The following FILIP1 variants were observed in gnomAD, a reference collection of about 807,000 sequenced individuals.
The protein encoded by FILIP1 is filamin-A-interacting protein 1.
Under a neutral mutation model 102.1 loss-of-function variants are expected in FILIP1, and 61 were observed. The observed-to-expected ratio is 0.60, with a 90% CI of 0.49 to 0.74. FILIP1 has a LOEUF of 0.74. FILIP1 is among the 30% of genes least tolerant of loss of function. The pLI is 0.00. For synonymous variants in FILIP1, 491 were observed against 526.9 expected, an observed-to-expected ratio of 0.93 and a Z score of 0.93; for missense variants, 1,314 against 1,441.2, an observed-to-expected ratio of 0.91 and a Z score of 1.43.
At chr6:75,341,424 C>T (rs529003044) in intron 4 of FILIP1, among the ~76,000 whole-genome samples, 3 of 152,080 alleles carry the variant, frequency 2.0e-5, no homozygotes. Flanking sequence ...TCCCAAAGTG[C>T]TGGAATTACA....
At chr6:75,484,908 T>C (rs1562666300) in intron 1 of FILIP1, among the ~76,000 whole-genome samples, 1 of 152,182 alleles carries the variant, frequency 6.6e-6, no homozygotes, top group South Asian at 2.1e-4. Context: ...GTTAATATCT[T>C]AAAAATTAGC....
rs373357947 is a variant in FILIP1 at position 75,349,810 on chromosome 6, T to C, written c.629+3729A>G. 1.2e-4 allele frequency among the ~76,000 whole-genome samples: 19 copies of C among 152,264 alleles called. No homozygotes were observed. The South Asian group carries it at 2.3e-3, about 18-fold the overall frequency. ...CAGCCAAGGTCCGTGGTCCGTGGTC[T>C]CCGCTGGGGAGGGGCTCCCCGGCAA... On this transcript the variant is annotated intron_variant, in intron 4 of 5. Coordinates refer to ENST00000237172, the MANE Select transcript of FILIP1 (RefSeq NM_015687.5).
chr6:75,397,228 A>G (rs1197544846), intron 2 of FILIP1, among the ~76,000 whole-genome samples: 1 of 152,008 alleles, frequency 6.6e-6, no homozygotes, highest in African/African-American at 2.4e-5. Flanking sequence ...TACCCAACAT[A>G]AAGTACCTAT....
At chr6:75,321,564 G>A (rs1484343329) in intron 4 of FILIP1, among the ~76,000 whole-genome samples, 2 of 152,250 alleles carry the variant, frequency 1.3e-5, no homozygotes, top group East Asian at 3.9e-4. Context: ...GGAGGCCGAG[G>A]CGGGTGGATC....
chr6:75,490,734 T>C (rs976533399), intron 1 of FILIP1, among the ~76,000 whole-genome samples: 3 of 152,066 alleles, frequency 2.0e-5, no homozygotes, highest in Admixed American at 1.3e-4. Context: ...TCCTGAGAGA[T>C]ACAACATCAT....
intron 5 of FILIP1, among the ~76,000 whole-genome samples, chr6:75,311,836 G>T (rs1431971553): frequency 6.6e-6 from 1 of 152,170 alleles, no homozygotes; most frequent in Non-Finnish European, 1.5e-5. Flanking sequence ...AGCACGTGCT[G>T]TCTGCAAGAT....
chr6:75,488,682 G>A (rs1190277092), intron 1 of FILIP1, among the ~76,000 whole-genome samples: 1 of 151,954 alleles, frequency 6.6e-6, no homozygotes, highest in Non-Finnish European at 1.5e-5. Flanking sequence ...CCTTTCAACT[G>A]GGAAAAATAA....
chr6:75,333,354 C>T lies in FILIP1; in HGVS notation c.630-18152G>A, dbSNP rs144429230. ...AAAAACTAAATGTTGAAACAATAAA[C>T]AAAACTCCAAAACCTCAGACTTAAT... On this transcript the variant is annotated intron_variant, in intron 4 of 5. Transcript: ENST00000237172. Among the ~76,000 whole-genome samples the T allele has an allele frequency of 8.7e-3, 1,320 of 152,060 alleles. 10 individuals are homozygous for T. The highest frequency in any genetic ancestry group is 0.022 in the African/African-American group (893 of 41,498).
chr6:75,468,185 G>C (rs1779225397), intron 1 of FILIP1, among the ~76,000 whole-genome samples: 1 of 152,150 alleles, frequency 6.6e-6, no homozygotes, highest in Non-Finnish European at 1.5e-5. Flanking sequence ...CAGCAAATCT[G>C]GTCCCTCTCT....
intron 4 of FILIP1, among the ~76,000 whole-genome samples, chr6:75,349,763 G>A (rs1327304960): frequency 3.9e-5 from 6 of 152,172 alleles, no homozygotes; most frequent in African/African-American, 1.4e-4. Context: ...CTCTCTGGCA[G>A]AGCCCCAGGG....
At chr6:75,340,316 T>G (rs1265399491) in intron 4 of FILIP1, among the ~76,000 whole-genome samples, 1 of 152,150 alleles carries the variant, frequency 6.6e-6, no homozygotes, top group African/African-American at 2.4e-5. Flanking sequence ...ACAACTGTTA[T>G]ATGGATGGTT....
intron 4 of FILIP1, chr6:75,320,105 G>A (rs1241933087): frequency 1.5e-5 from 3 of 194,256 alleles, no homozygotes; most frequent in Non-Finnish European, 3.2e-5. Context: ...TTTTTTTAAT[G>A]TCTGCCTACC....
intron 1 of FILIP1, among the ~76,000 whole-genome samples, chr6:75,475,937 T>C (rs1779462031): frequency 6.6e-6 from 1 of 152,178 alleles, no homozygotes; most frequent in Admixed American, 6.6e-5. Context: ...ATAGCTTTAA[T>C]AGTTACATTA....
chr6:75,413,529 G>A (rs964335432), intron 2 of FILIP1, among the ~76,000 whole-genome samples: 1 of 151,856 alleles, frequency 6.6e-6, no homozygotes, highest in African/African-American at 2.4e-5. Flanking sequence ...TTTACCCCAG[G>A]GATTTCCTTA....
At chr6:75,489,341 A>G (rs889899450) in intron 1 of FILIP1, among the ~76,000 whole-genome samples, 1 of 152,118 alleles carries the variant, frequency 6.6e-6, no homozygotes, top group Non-Finnish European at 1.5e-5. Flanking sequence ...TAGAGTACCC[A>G]GCAGCAAAGT....
chr6:75,354,730 G>A (rs765151664), intron 3 of FILIP1, among the ~76,000 whole-genome samples: 3 of 152,036 alleles, frequency 2.0e-5, no homozygotes, highest in Admixed American at 6.6e-5. Context: ...ACTCTTTCAC[G>A]GTTTTAATGA....
Position 75,313,577 on chromosome 6 carries a change from T to G in FILIP1, c.2255A>C (p.Gln752Pro). 1.2e-6 allele frequency: 2 copies of G among 1,614,134 alleles called. No homozygotes were observed. The highest frequency in any genetic ancestry group is 1.7e-6 in the Non-Finnish European group (2 of 1,180,008). The part of the protein sequence containing the change: ...SQLQVDYSVL[Q>P]QRFMEEENKN... ...ATTTTCTTCTTCCATAAATCTTTGT[T>G]GAAGTACAGAATAATCTACCTGGAG... is the stretch of plus-strand genomic sequence containing the variant. The change falls in exon 5 of 6, where the codon CAA becomes CCA. Residue 752 changes from glutamine (Q) to proline (P), a missense_variant. By Grantham distance (76) the Gln-to-Pro change is moderately conservative. This residue lies in a region of FILIP1 where 816 missense variants were observed against 913.1 expected (regional missense o/e 0.89). Transcript: ENST00000237172. This position sits in a 1 kb window ranked among gnomAD's most constrained non-coding sequence, Gnocchi z 4.2.
At chr6:75,376,965 G>A (rs1775771790) in intron 2 of FILIP1, among the ~76,000 whole-genome samples, 1 of 152,086 alleles carries the variant, frequency 6.6e-6, no homozygotes, top group African/African-American at 2.4e-5. Flanking sequence ...CAGCAGAAAT[G>A]TCTTACTATT....
intron 4 of FILIP1, among the ~76,000 whole-genome samples, chr6:75,321,397 G>C (rs1451477838): frequency 6.6e-6 from 1 of 152,164 alleles, no homozygotes; most frequent in Admixed American, 6.5e-5. Context: ...CGATCATTTT[G>C]TCAGCCATCC....
Sources: gnomAD v4.1 joint callset for allele counts (sites outside exome capture counted in the v4.1 genomes callset) on GRCh38, gnomAD v4.1.1 for gene constraint, gnomAD v4.1.1 regional missense constraint, Gnocchi (gnomAD v3.1) non-coding constraint, MANE v1.5 for transcripts, NCBI Gene and HGNC (gene_info 2026-07-23, HGNC 2026-07-21) for gene names.